The following IHO1 variants were observed in gnomAD, a reference collection of about 807,000 sequenced individuals.
IHO1 encodes interactor of HORMAD1 protein 1.
A neutral mutation model predicts 31.0 loss-of-function variants in IHO1; 13 were observed. That is an observed-to-expected ratio of 0.42 (90% CI 0.27 to 0.67). IHO1 has a LOEUF of 0.67. Among genes scored for constraint, IHO1 ranks in the 30% least tolerant of loss-of-function variants. The probability of loss-of-function intolerance (pLI) is 0.24; values close to 1 mark genes in which losing one functional copy is unlikely to be tolerated. For synonymous variants in IHO1, 221 were observed against 248.4 expected (o/e 0.89, Z 1.04); for missense variants, 599 against 687.5 (o/e 0.87, Z 1.44).
At chr3:49,241,868 A>G (rs2046636129) in intron 4 of IHO1, among the ~76,000 whole-genome samples, 1 of 151,786 alleles carries the variant, frequency 6.6e-6, no homozygotes, top group African/African-American at 2.4e-5. Context: ...TGATCCACCC[A>G]TCTCAGCCTC....
At chr3:49,221,731 A>G (rs535638573) in intron 2 of IHO1, among the ~76,000 whole-genome samples, 1 of 152,330 alleles carries the variant, frequency 6.6e-6, no homozygotes, top group East Asian at 1.9e-4. Flanking sequence ...AAGACCATCT[A>G]TAGACTGATG....
Position 49,257,071 on chromosome 3 carries a change from C to T in IHO1, c.1574C>T (p.Thr525Ile). Reference sequence around the variant, plus strand: ...GGAGGAACAGTCATGCCCAATAAGACAGTAAGGGCAGTGCAGGGAAGACTC... The same window carrying T: ...GGAGGAACAGTCATGCCCAATAAGATAGTAAGGGCAGTGCAGGGAAGACTC... ...ILGGTVMPNK[T>I]VRAVQGRLLQ... Residue 525 changes from threonine (T) to isoleucine (I), a missense_variant, in exon 8 of 8, where the codon ACA (threonine) becomes ATA (isoleucine). Transcript: ENST00000452691. The T allele has an allele frequency of 6.2e-7, 1 of 1,614,208 alleles. No homozygotes were observed. Among genetic ancestry groups the T allele is most frequent in the Non-Finnish European group, 8.5e-7 (1 of 1,180,048 alleles).
At chr3:49,243,287 C>T (rs1369576549) in intron 4 of IHO1, among the ~76,000 whole-genome samples, 1 of 151,932 alleles carries the variant, frequency 6.6e-6, no homozygotes, top group African/African-American at 2.4e-5. Context: ...GGACCACAGG[C>T]GCGTGACACC....
chr3:49,230,850 G>A (rs903028964), intron 2 of IHO1, among the ~76,000 whole-genome samples: 9 of 152,110 alleles, frequency 5.9e-5, no homozygotes, highest in African/African-American at 2.2e-4. Flanking sequence ...CCTGTTCTAG[G>A]CATTCCTACC....
At chr3:49,229,927 G>A (rs2046461436) in intron 2 of IHO1, among the ~76,000 whole-genome samples, 1 of 152,188 alleles carries the variant, frequency 6.6e-6, no homozygotes, top group South Asian at 2.1e-4. Flanking sequence ...AGCCCTCAAA[G>A]TCAACATATG....
rs1299288017 is a variant in IHO1, at chr3:49,256,705, G to C, written c.1208G>C (p.Ser403Thr). The C allele has an allele frequency of 6.2e-7, 1 of 1,614,202 alleles. No individual in the cohort carries two copies. The highest frequency in any genetic ancestry group is 2.2e-5 in the East Asian group (1 of 44,884). Reference protein sequence around the residue: ...LTSLEINFSTSIKNACQKYQA... With the variant: ...LTSLEINFSTTIKNACQKYQA... ...TCATTGGAGATAAACTTTTCAACCAGCATTAAGAATGCCTGCCAAAAATAT... is the reference window on the plus strand; with the variant it reads ...TCATTGGAGATAAACTTTTCAACCACCATTAAGAATGCCTGCCAAAAATAT... The change falls in exon 8 of 8, where the codon AGC becomes ACC. Residue 403 changes from serine to threonine, a missense_variant. Ser to Thr is a moderately conservative substitution (Grantham distance 58, BLOSUM62 1). Transcript: ENST00000452691. This position sits in a 1 kb window ranked among gnomAD's most constrained non-coding sequence, Gnocchi z 4.6.
rs1246691518 is a variant in IHO1, at chr3:49,208,709, A to G, written c.-15-3057A>G. On this transcript the variant is annotated intron_variant, in intron 1 of 7. Coordinates refer to ENST00000452691, the MANE Select transcript of IHO1 (RefSeq NM_001135197.2). ...ACCTCTATGTGTTTTTTTTATCTTTATTCAGCTAACAAAGAACTTGCTTAC... is the reference window on the plus strand; with the variant it reads ...ACCTCTATGTGTTTTTTTTATCTTTGTTCAGCTAACAAAGAACTTGCTTAC... Among the ~76,000 whole-genome samples, 10 of 152,124 alleles carry G rather than the reference A, an allele frequency of 6.6e-5. 1 individual carries two copies. In the South Asian group the frequency reaches 2.1e-3, roughly 31 times the overall value.
chr3:49,238,245 A>G (rs954559676), intron 3 of IHO1, among the ~76,000 whole-genome samples: 4 of 151,782 alleles, frequency 2.6e-5, no homozygotes, highest in Non-Finnish European at 5.9e-5. Flanking sequence ...TGAGTCAAAA[A>G]CATTTTGATT....
chr3:49,243,940 C>G (rs1405514584), intron 4 of IHO1, among the ~76,000 whole-genome samples: 1 of 138,994 alleles, frequency 7.2e-6, no homozygotes, highest in African/African-American at 2.6e-5. Flanking sequence ...TGTGTTCTCT[C>G]TTTTTTTTTT....
At chr3:49,215,455 A>G (rs1338234893) in intron 2 of IHO1, among the ~76,000 whole-genome samples, 1 of 152,228 alleles carries the variant, frequency 6.6e-6, no homozygotes, top group Non-Finnish European at 1.5e-5. Flanking sequence ...GAGGAAAATC[A>G]TAGAGAACTA....
chr3:49,223,920 C>T lies in IHO1; in HGVS notation c.56+12084C>T, dbSNP rs35004026. On this transcript the variant is annotated intron_variant, in intron 2 of 7. Transcript: ENST00000452691. ...TGCCAGTCCTCTCCAGGATAGTGAC[C>T]TATTCTTTGTTCCCCCAAAGGGACC... Among the ~76,000 whole-genome samples, 189 of 152,208 alleles carry T rather than the reference C, an allele frequency of 1.2e-3. 1 individual carries two copies. Among genetic ancestry groups the T allele is most frequent in the Non-Finnish European group, 2.0e-3 (136 of 68,006 alleles).
chr3:49,238,833 G>A (rs1025159556), intron 3 of IHO1, among the ~76,000 whole-genome samples: 1 of 152,134 alleles, frequency 6.6e-6, no homozygotes, highest in African/African-American at 2.4e-5. Context: ...GGGAAGTTGG[G>A]AAAAGAGAAA....
At position 49,256,852 on chromosome 3, in the gene IHO1, A is replaced by G; in HGVS notation, c.1355A>G (p.His452Arg). ...CAGCCCAGGAAGGCCCACAGGGCCC[A>G]CAGAGGCAGGCTCATAGCCAGCAAG... ...KQQPRKAHRA[H>R]RGRLIASKQK... The change falls in exon 8 of 8, where the codon CAC becomes CGC. Residue 452 changes from histidine to arginine, a missense_variant. Transcript: ENST00000452691. The surrounding 1 kb of genome is among the most constrained non-coding windows in gnomAD (Gnocchi z 4.6). 1 of 1,614,254 alleles carries G rather than the reference A, an allele frequency of 6.2e-7. No individual in the cohort carries two copies.
intron 6 of IHO1, among the ~76,000 whole-genome samples, chr3:49,250,252 T>C (rs781342008): frequency 3.9e-5 from 6 of 152,218 alleles, no homozygotes; most frequent in Non-Finnish European, 8.8e-5. Flanking sequence ...TCAATCATTT[T>C]TCAATGTATG....
chr3:49,210,285 G>A (rs767411724), intron 1 of IHO1, among the ~76,000 whole-genome samples: 9 of 151,798 alleles, frequency 5.9e-5, no homozygotes, highest in African/African-American at 2.2e-4. Context: ...CGCCCAAGCT[G>A]GAGTATAGTG....
chr3:49,231,562 G>T (rs2046482382), intron 2 of IHO1, among the ~76,000 whole-genome samples: 1 of 152,104 alleles, frequency 6.6e-6, no homozygotes, highest in South Asian at 2.1e-4. Context: ...ATTCTTCATG[G>T]TTCATTCCAC....
At chr3:49,252,544 G>A (rs372610102) in intron 6 of IHO1, among the ~76,000 whole-genome samples, 1 of 151,810 alleles carries the variant, frequency 6.6e-6, no homozygotes, top group Admixed American at 6.6e-5. Flanking sequence ...TCAGCCTCCC[G>A]AGTAGCTAGG....
chr3:49,256,548 A>C lies in IHO1; in HGVS notation c.1051A>C (p.Lys351Gln). ...SHERNRHVKD[K>Q]VVQTNCKNWA... ...TGAAAGAAATAGGCATGTAAAGGACAAGGTGGTGCAGACTAACTGCAAGAA... is the reference window on the plus strand; with the variant it reads ...TGAAAGAAATAGGCATGTAAAGGACCAGGTGGTGCAGACTAACTGCAAGAA... Residue 351 changes from lysine (K) to glutamine (Q), a missense_variant, in exon 8 of 8, where the codon AAG (lysine) becomes CAG (glutamine). Physicochemically the swap from Lys to Gln is moderately conservative, Grantham distance 53. Coordinates refer to ENST00000452691, the MANE Select transcript of IHO1 (RefSeq NM_001135197.2). The surrounding 1 kb of genome is among the most constrained non-coding windows in gnomAD (Gnocchi z 4.6). 6.2e-7 allele frequency: 1 copy of C among 1,614,202 alleles called. No individual in the cohort carries two copies. The highest frequency in any genetic ancestry group is 1.1e-5 in the South Asian group (1 of 91,084).
chr3:49,193,469 C>T (rs1031579586), upstream of IHO1, among the ~76,000 whole-genome samples: 14 of 151,062 alleles, frequency 9.3e-5, no homozygotes, highest in Admixed American at 4.6e-4. Flanking sequence ...GAGGCTGAGG[C>T]GGGCGGATCA....
Sources: allele counts gnomAD v4.1 joint callset (sites outside exome capture counted in the v4.1 genomes callset), GRCh38; gene constraint gnomAD v4.1.1; non-coding constraint Gnocchi (gnomAD v3.1); transcripts MANE v1.5; gene names NCBI Gene and HGNC (gene_info 2026-07-23, HGNC 2026-07-21).